Variants in VAV1 observed in about 807,000 individuals in gnomAD.
VAV1 encodes proto-oncogene vav.
Under a neutral mutation model 128.1 loss-of-function variants are expected in VAV1, and 33 were observed. The observed-to-expected ratio is 0.26, with a 90% CI of 0.20 to 0.34. VAV1 has a LOEUF of 0.34. VAV1 is among the 10% of genes least tolerant of loss of function. VAV1 has a pLI of 1.00. For synonymous variants in VAV1, 394 were observed against 409.8 expected (o/e 0.96, Z 0.47); for missense variants, 715 against 1,093.7 (o/e 0.65, Z 4.88).
Position 6,821,798 on chromosome 19 carries a change from C to A in VAV1, c.388C>A (p.Pro130Thr). The change falls in exon 4 of 27, where the codon CCC (proline) becomes ACC (threonine). Residue 130 changes from proline (P) to threonine (T), a missense_variant. By Grantham distance (38) the Pro-to-Thr change is conservative (BLOSUM62 -1). This residue lies in a region of VAV1 where 302 missense variants were observed against 477.8 expected (regional missense o/e 0.63). Transcript: ENST00000602142. ...ACCCTCCTGACCCCCCAGGCCCTTC[C>A]CCACCGAGGAGGAGAGTGTAGGTGA... is the stretch of plus-strand genomic sequence containing the variant. ...IAQNRGIMPF[P>T]TEEESVGDED... The A allele has an allele frequency of 6.2e-7, 1 of 1,614,184 alleles. No individual in the cohort carries two copies. The highest frequency in any genetic ancestry group is 8.5e-7 in the Non-Finnish European group (1 of 1,180,024).
At chr19:6,778,117 A>G (rs1231383675) in intron 1 of VAV1, among the ~76,000 whole-genome samples, 3 of 152,124 alleles carry the variant, frequency 2.0e-5, no homozygotes, top group Non-Finnish European at 4.4e-5. Flanking sequence ...CTGTATTTTT[A>G]GTAGAGACAG....
rs1971915171 is a variant in VAV1 at position 6,826,218 on chromosome 19, A to G, written c.828-394A>G. Among the ~76,000 whole-genome samples the G allele has an allele frequency of 2.0e-5, 3 of 151,400 alleles. No individual in the cohort carries two copies. In the South Asian group the frequency reaches 6.3e-4, roughly 32 times the overall value. On this transcript the variant is annotated intron_variant, in intron 8 of 26. Transcript: ENST00000602142. This position sits in a 1 kb window ranked among gnomAD's most constrained non-coding sequence, Gnocchi z 4.1. Reference sequence around the variant, plus strand: ...CCAGGCATGGTGGCAGGTGTCTGTAATCCCAGCTACTCGGGGGGCTGAAGC... The same window carrying G: ...CCAGGCATGGTGGCAGGTGTCTGTAGTCCCAGCTACTCGGGGGGCTGAAGC...
At chr19:6,829,420 T>C (rs1310226484) in intron 13 of VAV1, among the ~76,000 whole-genome samples, 1 of 150,638 alleles carries the variant, frequency 6.6e-6, no homozygotes, top group Non-Finnish European at 1.5e-5. Flanking sequence ...GGAGCCTGGG[T>C]AGGGGTGGGG....
intron 1 of VAV1, among the ~76,000 whole-genome samples, chr19:6,776,340 C>T (rs1163143783): frequency 6.7e-6 from 1 of 149,298 alleles, no homozygotes; most frequent in Non-Finnish European, 1.5e-5. Context: ...ATCCATTCAT[C>T]CATCCACTCA....
rs750587103 is a variant in VAV1, at chr19:6,853,940, T to C, written c.2333-7T>C. On this transcript the variant is annotated splice_polypyrimidine_tract_variant and splice_region_variant and intron_variant, in intron 25 of 26. Transcript: ENST00000602142. Reference sequence around the variant, plus strand: ...ACCCTTTTCTCACTTCTGTTCTCTCTCCACAGTGGGAAGCACAAAGTATTT... The same window carrying C: ...ACCCTTTTCTCACTTCTGTTCTCTCCCCACAGTGGGAAGCACAAAGTATTT... 1 of 1,608,670 alleles carries C rather than the reference T, an allele frequency of 6.2e-7. No individual in the cohort carries two copies. Among genetic ancestry groups the C allele is most frequent in the East Asian group, 2.2e-5 (1 of 44,872 alleles).
intron 1 of VAV1, among the ~76,000 whole-genome samples, chr19:6,807,515 C>T (rs955423214): frequency 1.3e-5 from 2 of 152,014 alleles, no homozygotes; most frequent in Non-Finnish European, 2.9e-5. Context: ...GCTATGCTAG[C>T]TCACCTGCCC....
In VAV1 at chr19:6,844,858, A is replaced by G. The variant is rs182801391; in HGVS notation, c.2012+1692A>G. On this transcript the variant is annotated intron_variant, in intron 22 of 26. Transcript: ENST00000602142. ...TCATGTTTTAATGCAACATTAAAAA[A>G]AATCAAAAACAAGCCAAAAAAATTT... Among the ~76,000 whole-genome samples, 517 of 152,254 alleles carry G rather than the reference A, an allele frequency of 3.4e-3. 3 individuals carry two copies. The highest frequency in any genetic ancestry group is 5.9e-3 in the Non-Finnish European group (401 of 68,026).
chr19:6,782,730 A>G (rs1380845959), intron 1 of VAV1, among the ~76,000 whole-genome samples: 3 of 152,066 alleles, frequency 2.0e-5, no homozygotes, highest in African/African-American at 7.2e-5. Flanking sequence ...ATATATATAT[A>G]TATTAGCAGA....
At chr19:6,839,876 G>A (rs1232574231) in intron 21 of VAV1, among the ~76,000 whole-genome samples, 1 of 151,922 alleles carries the variant, frequency 6.6e-6, no homozygotes, top group Non-Finnish European at 1.5e-5. Context: ...ATTTTTCGTA[G>A]CGATGGGGTT....
intron 1 of VAV1, among the ~76,000 whole-genome samples, chr19:6,807,534 C>G (rs1971421846): frequency 6.6e-6 from 1 of 152,024 alleles, no homozygotes; most frequent in African/African-American, 2.4e-5. Context: ...CCACCACTCA[C>G]CTCCTGATGT....
In VAV1 at chr19:6,828,999, G is replaced by A. The variant is rs1971987135; in HGVS notation, c.1265+99G>A. On this transcript the variant is annotated intron_variant, in intron 13 of 26. Transcript: ENST00000602142. This position sits in a 1 kb window ranked among gnomAD's most constrained non-coding sequence, Gnocchi z 4.5. ...GGGTGGAGTCAACACAGATCTGGGT[G>A]GAGCCTGGGCAGGGGCGGGGCCGGG... 7.0e-7 allele frequency: 1 copy of A among 1,428,862 alleles called. No individual in the cohort carries two copies. Among genetic ancestry groups the A allele is most frequent in the Non-Finnish European group, 9.7e-7 (1 of 1,030,682 alleles). The allele number at this position is 1,428,862 out of a possible 1,614,324, so 88.5% of individuals were successfully genotyped here. A position where few individuals can be genotyped will look rare whatever the true frequency, so the allele number is the denominator to read the frequency against.
In VAV1 at chr19:6,773,294, T is replaced by C. The variant is rs1970543327; in HGVS notation, c.204+283T>C. ...TTAACTCTCTCAAGCCCCAGGCGCC[T>C]CTACTGTGGTTCATGCCCCCAGATG... On this transcript the variant is annotated intron_variant, in intron 1 of 26. Transcript: ENST00000602142. 4.6e-5 allele frequency among the ~76,000 whole-genome samples: 7 copies of C among 152,100 alleles called. No homozygotes were observed. In the South Asian group the frequency reaches 1.5e-3, roughly 32 times the overall value.
intron 1 of VAV1, among the ~76,000 whole-genome samples, chr19:6,818,986 G>C (rs1426875565): frequency 1.3e-5 from 2 of 151,998 alleles, no homozygotes; most frequent in Non-Finnish European, 2.9e-5. Flanking sequence ...TGTGATGGCG[G>C]GTGCTTGTAA....
Position 6,777,090 on chromosome 19 carries a change from A to C in VAV1, c.204+4079A>C. On this transcript the variant is annotated intron_variant, in intron 1 of 26. Transcript: ENST00000602142. The surrounding 1 kb of genome is among the most constrained non-coding windows in gnomAD (Gnocchi z 4.4). ...CTATCTATCATCCACCTGCCCACCC[A>C]CCCATCCATCCATCTACTCATCCAT... Among the ~76,000 whole-genome samples the C allele has an allele frequency of 6.6e-6, 1 of 150,470 alleles. No individual in the cohort carries two copies. Among genetic ancestry groups the C allele is most frequent in the Non-Finnish European group, 1.5e-5 (1 of 67,570 alleles).
intron 1 of VAV1, among the ~76,000 whole-genome samples, chr19:6,797,340 CTAAAG>C (rs947701889): frequency 2.0e-5 from 3 of 152,104 alleles, no homozygotes; most frequent in African/African-American, 7.2e-5. Context: ...CCTTCACACT[CTAAAG>C]TAAGAATAGT....
intron 1 of VAV1, among the ~76,000 whole-genome samples, chr19:6,815,246 C>T (rs1489860070): frequency 6.6e-6 from 1 of 152,120 alleles, no homozygotes; most frequent in Non-Finnish European, 1.5e-5. Flanking sequence ...CTCCTGGCCT[C>T]AAGTGATCCT....
intron 1 of VAV1, among the ~76,000 whole-genome samples, chr19:6,794,771 T>C (rs1194087120): frequency 1.3e-5 from 2 of 152,128 alleles, no homozygotes; most frequent in Non-Finnish European, 2.9e-5. Flanking sequence ...CCAAACTGAG[T>C]GATGTAAGAA....
In VAV1 at chr19:6,848,054, A is replaced by G. The variant is rs912827901; in HGVS notation, c.2069A>G (p.Asp690Gly). 2.6e-6 allele frequency: 4 copies of G among 1,542,684 alleles called. No individual in the cohort carries two copies. In the African/African-American group the frequency reaches 5.8e-5, roughly 22 times the overall value. ...GAGAGCATCCTGGCCAACCGCTCGG[A>G]CGGGACTTTCTTGGTGCGGCAGAGG... Reference protein sequence around the residue: ...GAESILANRSDGTFLVRQRVK... With the variant: ...GAESILANRSGGTFLVRQRVK... Residue 690 changes from aspartate (D) to glycine (G), a missense_variant, in exon 23 of 27, where the codon GAC becomes GGC. Transcript: ENST00000602142.
In VAV1 at chr19:6,797,495, G is replaced by T. The variant is rs538588687; in HGVS notation, c.205-23207G>T. On this transcript the variant is annotated intron_variant, in intron 1 of 26. Transcript: ENST00000602142. ...AGGCGGGCGGATCATCTGAGGTTGG[G>T]AGTTCGAGACTCAGCCTCACCAGTA... Among the ~76,000 whole-genome samples, 3 of 152,142 alleles carry T rather than the reference G, an allele frequency of 2.0e-5. No individual in the cohort carries two copies. In the East Asian group the frequency reaches 5.8e-4, roughly 29 times the overall value.
Sources: gnomAD v4.1 joint callset for allele counts (sites outside exome capture counted in the v4.1 genomes callset) on GRCh38, gnomAD v4.1.1 for gene constraint, gnomAD v4.1.1 regional missense constraint, Gnocchi (gnomAD v3.1) non-coding constraint, MANE v1.5 for transcripts, NCBI Gene and HGNC (gene_info 2026-07-23, HGNC 2026-07-21) for gene names.